The following ENC1 variants were observed in gnomAD, a reference collection of about 807,000 sequenced individuals.
ENC1 encodes ectoderm-neural cortex protein 1.
In ENC1, 19 loss-of-function variants were observed where a neutral mutation model predicts 40.9. The observed-to-expected ratio is 0.46, with a 90% CI of 0.32 to 0.68. The LOEUF (loss-of-function observed/expected upper bound fraction) is 0.68. Among genes scored for constraint, ENC1 ranks in the 30% least tolerant of loss-of-function variants. The pLI, the probability that ENC1 is intolerant of heterozygous loss-of-function variation, is 0.03. For missense variants in ENC1, 479 were observed against 737.5 expected, an observed-to-expected ratio of 0.65 and a Z score of 4.06; for synonymous variants, 285 against 291.1, an observed-to-expected ratio of 0.98 and a Z score of 0.21.
chr5:74,634,156 G>A (rs994092007), intron 2 of ENC1, among the ~76,000 whole-genome samples: 1 of 152,160 alleles, frequency 6.6e-6, no homozygotes, highest in African/African-American at 2.4e-5. Flanking sequence ...GCTTATGCCT[G>A]TAATCCCAGC....
intron 1 of ENC1, among the ~76,000 whole-genome samples, chr5:74,638,913 T>C (rs1747715823): frequency 6.6e-6 from 1 of 152,240 alleles, no homozygotes; most frequent in Admixed American, 6.5e-5. Context: ...CACATTTCCT[T>C]GAACATTAAA....
At chr5:74,633,837 C>T (rs1030754908) in intron 2 of ENC1, among the ~76,000 whole-genome samples, 8 of 152,100 alleles carry the variant, frequency 5.3e-5, no homozygotes, top group Non-Finnish European at 1.0e-4. Flanking sequence ...GCAGCTTAGC[C>T]TCCGTAATGC....
intron 1 of ENC1, among the ~76,000 whole-genome samples, chr5:74,637,971 G>A (rs1747664629): frequency 6.6e-6 from 1 of 152,124 alleles, no homozygotes; most frequent in South Asian, 2.1e-4. Flanking sequence ...TTCAAAAACT[G>A]AATCACATGC....
rs775163977 is a variant in ENC1, at chr5:74,635,522, G to A, written c.964C>T (p.Pro322Ser). ...CTTGGGCTGGGAATGTCAGCCTTGG[G>A]AATGATTTCTTTGGCCTTCTGGTCT... ...LVDQKAKEII[P>S]KADIPSPRKE... Residue 322 changes from proline (P) to serine (S), a missense_variant, in exon 2 of 3, where the codon CCC becomes TCC. Physicochemically the swap from Pro to Ser is moderately conservative, Grantham distance 74 (BLOSUM62 -1). Transcript: ENST00000302351. The surrounding 1 kb of genome is among the most constrained non-coding windows in gnomAD (Gnocchi z 5.5). 6.2e-7 allele frequency: 1 copy of A among 1,614,194 alleles called. No individual in the cohort carries two copies. Among genetic ancestry groups the A allele is most frequent in the Non-Finnish European group, 8.5e-7 (1 of 1,180,040 alleles).
chr5:74,631,181 C>CACAACA (rs368996589), intron 2 of ENC1, among the ~76,000 whole-genome samples: 1 of 150,120 alleles, frequency 6.7e-6, no homozygotes, highest in Admixed American at 6.6e-5. Context: ...AAAAAGGACA[C>CACAACA]ACAACAACAA....
In ENC1 at chr5:74,635,550, C is replaced by T. The variant is rs773870912; in HGVS notation, c.936G>A (p.Leu312=). The T allele has an allele frequency of 5.0e-6, 8 of 1,614,210 alleles. No individual in the cohort carries two copies. The highest frequency in any genetic ancestry group is 1.3e-5 in the African/African-American group (1 of 75,048). The stretch of plus-strand genomic sequence containing the variant: ...TGATTTCTTTGGCCTTCTGGTCTAC[C>T]AGATACAACTTGTCACACATGAAAG... ...GQTFMCDKLY[L]VDQKAKEIIP... The change falls in exon 2 of 3, where the codon CTG becomes CTA. Residue 312 remains leucine, a synonymous_variant. Transcript: ENST00000302351. The surrounding 1 kb of genome is among the most constrained non-coding windows in gnomAD (Gnocchi z 5.5).
chr5:74,636,770 G>A lies in ENC1; in HGVS notation c.-13-272C>T, dbSNP rs1397210793. Among the ~76,000 whole-genome samples the A allele has an allele frequency of 1.3e-5, 2 of 151,996 alleles. No individual in the cohort carries two copies. Among genetic ancestry groups the A allele is most frequent in the Non-Finnish European group, 2.9e-5 (2 of 68,010 alleles). On this transcript the variant is annotated intron_variant, in intron 1 of 2. Coordinates refer to ENST00000302351, the MANE Select transcript of ENC1 (RefSeq NM_003633.4). The surrounding 1 kb of genome is among the most constrained non-coding windows in gnomAD (Gnocchi z 4.8). Reference sequence around the variant, plus strand: ...ACTGCATAAAAAGCAGGTTCATCTTGGAAAACCTGATTGCCAACTTTCAGG... The same window carrying A: ...ACTGCATAAAAAGCAGGTTCATCTTAGAAAACCTGATTGCCAACTTTCAGG...
intron 2 of ENC1, 24 bp from the exon 3 acceptor site, chr5:74,630,016 A>G (rs1747338461): frequency 6.6e-6 from 1 of 152,216 alleles, no homozygotes; most frequent in African/African-American, 2.4e-5. Context: ...AAAAGGAAAA[A>G]AAACAAAACA....
chr5:74,634,722 A>C lies in ENC1; in HGVS notation c.1764T>G (p.Pro588=). ...TAFVSTWKHL[P]S is the part of the protein sequence containing the mutation. Reference sequence around the variant, plus strand: ...TCTTTAGAATGTACTGCATTTAAGAAGGCAGATGTTTCCAGGTGCTGACAA... The same window carrying C: ...TCTTTAGAATGTACTGCATTTAAGACGGCAGATGTTTCCAGGTGCTGACAA... The change falls in exon 2 of 3, where the codon CCT becomes CCG. Residue 588 remains proline (P), a synonymous_variant. Coordinates refer to ENST00000302351, the MANE Select transcript of ENC1 (RefSeq NM_003633.4). 1 of 1,605,046 alleles carries C rather than the reference A, an allele frequency of 6.2e-7. No homozygotes were observed. Among genetic ancestry groups the C allele is most frequent in the East Asian group, 2.2e-5 (1 of 44,706 alleles).
Position 74,636,593 on chromosome 5 carries a change from A to G in ENC1, c.-13-95T>C. ...AATGGTTTTGCACAAAAAACAGAAC[A>G]CTTTGTTGTTGACCATGCCACCTAC... On this transcript the variant is annotated intron_variant, in intron 1 of 2. Transcript: ENST00000302351. The surrounding 1 kb of genome is among the most constrained non-coding windows in gnomAD (Gnocchi z 4.8). 2.7e-6 allele frequency: 2 copies of G among 730,168 alleles called. No individual in the cohort carries two copies. Among genetic ancestry groups the G allele is most frequent in the Non-Finnish European group, 4.4e-6 (2 of 450,488 alleles). 45.2% of individuals were successfully genotyped at this position (730,168 alleles called of 1,614,324 possible). A position where few individuals can be genotyped will look rare whatever the true frequency, so the allele number is the denominator to read the frequency against.
chr5:74,635,247 C>A lies in ENC1; in HGVS notation c.1239G>T (p.Gln413His). The A allele has an allele frequency of 6.2e-7, 1 of 1,614,184 alleles. No homozygotes were observed. The highest frequency in any genetic ancestry group is 8.5e-7 in the Non-Finnish European group (1 of 1,180,036). ...TGATTGTGGGGTCATAATGTTCTAC[C>A]TGCTTTAGAGAGACTGAGGGGGAGG... ...LPASPSVSLK[Q>H]VEHYDPTINK... Residue 413 changes from glutamine (Q) to histidine (H), a missense_variant, in exon 2 of 3, where the codon CAG becomes CAT. Gln to His is a conservative substitution (Grantham distance 24, BLOSUM62 0). Transcript: ENST00000302351. This position sits in a 1 kb window ranked among gnomAD's most constrained non-coding sequence, Gnocchi z 5.5.
chr5:74,635,994 C>G lies in ENC1; in HGVS notation c.492G>C (p.Leu164=). ...LLSDAHQCTK[L]YELSWRMCLS... is the part of the protein sequence containing the mutation. ...GACACATTCTCCAAGATAGTTCGTA[C>G]AGCTTGGTGCACTGGTGTGCATCAG... Residue 164 remains leucine (L), a synonymous_variant, in exon 2 of 3, where the codon CTG becomes CTC. Coordinates refer to ENST00000302351, the MANE Select transcript of ENC1 (RefSeq NM_003633.4). The surrounding 1 kb of genome is among the most constrained non-coding windows in gnomAD (Gnocchi z 5.5). The G allele has an allele frequency of 6.2e-7, 1 of 1,614,160 alleles. No homozygotes were observed. Among genetic ancestry groups the G allele is most frequent in the Non-Finnish European group, 8.5e-7 (1 of 1,179,998 alleles).
rs1416870153 is a variant in ENC1 at position 74,636,172 on chromosome 5, G to A, written c.314C>T (p.Ala105Val). The part of the protein sequence containing the change: ...PEVLELLLDY[A>V]YSSRVIINEE... ...ATTGATGATGACCCGGGAGGAGTACGCATAGTCAAGCAGCAGCTCCAAGAC... is the reference window on the plus strand; with the variant it reads ...ATTGATGATGACCCGGGAGGAGTACACATAGTCAAGCAGCAGCTCCAAGAC... The change falls in exon 2 of 3, where the codon GCG becomes GTG. Residue 105 changes from alanine to valine, a missense_variant. Physicochemically the swap from Ala to Val is moderately conservative, Grantham distance 64. Transcript: ENST00000302351. The surrounding 1 kb of genome is among the most constrained non-coding windows in gnomAD (Gnocchi z 4.8). 8 of 1,613,962 alleles carry A rather than the reference G, an allele frequency of 5.0e-6. No homozygotes were observed. Among genetic ancestry groups the A allele is most frequent in the African/African-American group, 4.0e-5 (3 of 74,898 alleles).
chr5:74,637,298 G>A (rs1356126785), intron 1 of ENC1, among the ~76,000 whole-genome samples: 1 of 151,998 alleles, frequency 6.6e-6, no homozygotes, highest in African/African-American at 2.4e-5. Context: ...TGTATTTTTT[G>A]TAGAGACCGG....
intron 1 of ENC1, among the ~76,000 whole-genome samples, chr5:74,638,077 TC>T (rs1580350565): frequency 6.6e-6 from 1 of 152,194 alleles, no homozygotes; most frequent in Admixed American, 6.5e-5. Flanking sequence ...AAGCTGTTTA[TC>T]CCGCTGTTTA....
At position 74,635,240 on chromosome 5, in the gene ENC1, G is replaced by T; in HGVS notation, c.1246C>A (p.His416Asn). Residue 416 changes from histidine (H) to asparagine (N), a missense_variant, in exon 2 of 3, where the codon CAT (histidine) becomes AAT (asparagine). Transcript: ENST00000302351. The surrounding 1 kb of genome is among the most constrained non-coding windows in gnomAD (Gnocchi z 5.5). Reference protein sequence around the residue: ...SPSVSLKQVEHYDPTINKWTM... With the variant: ...SPSVSLKQVENYDPTINKWTM... ...CATTTGTTGATTGTGGGGTCATAAT[G>T]TTCTACCTGCTTTAGAGAGACTGAG... The T allele has an allele frequency of 6.2e-7, 1 of 1,614,180 alleles. No homozygotes were observed. Among genetic ancestry groups the T allele is most frequent in the Non-Finnish European group, 8.5e-7 (1 of 1,180,036 alleles).
intron 2 of ENC1, among the ~76,000 whole-genome samples, chr5:74,632,683 A>G (rs897459036): frequency 6.6e-6 from 1 of 152,104 alleles, no homozygotes; most frequent in Non-Finnish European, 1.5e-5. Context: ...GTGAAACCCC[A>G]TCTCTACTAA....
At position 74,635,409 on chromosome 5, in the gene ENC1, C is replaced by G; in HGVS notation, c.1077G>C (p.Trp359Cys). 1 of 1,614,112 alleles carries G rather than the reference C, an allele frequency of 6.2e-7. No homozygotes were observed. Among genetic ancestry groups the G allele is most frequent in the Non-Finnish European group, 8.5e-7 (1 of 1,180,012 alleles). The change falls in exon 2 of 3, where the codon TGG (tryptophan) becomes TGC (cysteine). Residue 359 changes from tryptophan (W) to cysteine (C), a missense_variant. Trp to Cys is a radical substitution (Grantham distance 215, BLOSUM62 -2). Coordinates refer to ENST00000302351, the MANE Select transcript of ENC1 (RefSeq NM_003633.4). This position sits in a 1 kb window ranked among gnomAD's most constrained non-coding sequence, Gnocchi z 5.5. ...ACTCCTCGTGCAGGGTATCATAAACCCAGACATCTTTTGAGACCCCATTTT... is the reference window on the plus strand; with the variant it reads ...ACTCCTCGTGCAGGGTATCATAAACGCAGACATCTTTTGAGACCCCATTTT... ...GSENGVSKDV[W>C]VYDTLHEEWS...
rs1747571256 is a variant in ENC1 at position 74,635,906 on chromosome 5, C to A, written c.580G>T (p.Val194Leu). 3 of 1,613,932 alleles carry A rather than the reference C, an allele frequency of 1.9e-6. No homozygotes were observed. Among genetic ancestry groups the A allele is most frequent in the Non-Finnish European group, 2.5e-6 (3 of 1,179,924 alleles). Reference protein sequence around the residue: ...DFLQLPQDMVVQLLSSEELET... With the variant: ...DFLQLPQDMVLQLLSSEELET... ...AGCTCTTCACTGGACAAGAGTTGCA[C>A]TACCATGTCCTGGGGCAGCTGGAGG... is the stretch of plus-strand genomic sequence containing the variant. Residue 194 changes from valine to leucine, a missense_variant, in exon 2 of 3, where the codon GTG (valine) becomes TTG (leucine). Transcript: ENST00000302351. This position sits in a 1 kb window ranked among gnomAD's most constrained non-coding sequence, Gnocchi z 5.5.
Sources: gnomAD v4.1 joint callset for allele counts (sites outside exome capture counted in the v4.1 genomes callset) on GRCh38, gnomAD v4.1.1 for gene constraint, Gnocchi (gnomAD v3.1) non-coding constraint, MANE v1.5 for transcripts, NCBI Gene and HGNC (gene_info 2026-07-23, HGNC 2026-07-21) for gene names.